Variants in PCDHGB5 observed in about 807,000 individuals in gnomAD.
The protein encoded by PCDHGB5 is protocadherin gamma subfamily B, 5, also known as protocadherin gamma-B5.
PCDHGB5 carries 48 observed loss-of-function variants against 62.9 expected under a neutral mutation model. The observed-to-expected ratio is 0.76, with a 90% CI of 0.61 to 0.97. The LOEUF is 0.97. Ranked by LOEUF, PCDHGB5 falls within the 50% of genes least tolerant of loss-of-function variation. The probability of loss-of-function intolerance (pLI) is 0.00; values close to 1 mark genes in which losing one functional copy is unlikely to be tolerated. For missense variants in PCDHGB5, 1,118 were observed against 1,198.6 expected, an observed-to-expected ratio of 0.93 and a Z score of 0.99; for synonymous variants, 474 against 511.2, an observed-to-expected ratio of 0.93 and a Z score of 0.98.
intron 3 of PCDHGB5, among the ~76,000 whole-genome samples, chr5:141,509,139 A>G (rs1042555376): frequency 2.6e-5 from 4 of 152,140 alleles, no homozygotes; most frequent in African/African-American, 9.7e-5. Flanking sequence ...ACCGAGGCGC[A>G]TCCCGGCTCT....
chr5:141,482,611 G>C (rs1016481108), intron 1 of PCDHGB5, among the ~76,000 whole-genome samples: 4 of 150,398 alleles, frequency 2.7e-5, no homozygotes, highest in Non-Finnish European at 5.9e-5. Context: ...ACACCTAAAT[G>C]AGCCTGGAGA....
In PCDHGB5 at chr5:141,399,769, G is replaced by A. The variant is rs369379702; in HGVS notation, c.1642G>A (p.Val548Met). 2.6e-5 allele frequency: 42 copies of A among 1,613,216 alleles called. No homozygotes were observed. Among genetic ancestry groups the A allele is most frequent in the Non-Finnish European group, 3.5e-5 (41 of 1,179,802 alleles). The change falls in exon 1 of 4, where the codon GTG (valine) becomes ATG (methionine). Residue 548 changes from valine to methionine, a missense_variant. Around this residue, in one of 2 missense-constraint regions of PCDHGB5, gnomAD observed 1,034 missense variants for 1,029.1 expected, o/e 1.00. Transcript: ENST00000617380. ...CGCAAACGTGAGCCTGCGCGTGTTGGTGGGCGACCGAAACGACAACGCACC... is the reference window on the plus strand; with the variant it reads ...CGCAAACGTGAGCCTGCGCGTGTTGATGGGCGACCGAAACGACAACGCACC... ...LSANVSLRVLVGDRNDNAPRV... is the reference protein window; with the variant it reads ...LSANVSLRVLMGDRNDNAPRV...
chr5:141,428,015 A>G, intron 1 of PCDHGB5: 5 of 1,604,042 alleles, frequency 3.1e-6, no homozygotes, highest in Non-Finnish European at 3.4e-6. Flanking sequence ...ATATAGTGCC[A>G]CGCGCCGCAG....
chr5:141,488,095 A>G (rs78361634), intron 1 of PCDHGB5, among the ~76,000 whole-genome samples: 8,142 of 152,146 alleles, frequency 0.054, 446 homozygotes, highest in African/African-American at 0.15. Flanking sequence ...CTGTGAAGGG[A>G]CCTCTCTATT....
chr5:141,503,136 A>G (rs1352550702), intron 2 of PCDHGB5, among the ~76,000 whole-genome samples: 5 of 151,846 alleles, frequency 3.3e-5, no homozygotes, highest in Admixed American at 2.0e-4. Context: ...GTAGCCCCTG[A>G]CACAGCCCAT....
At chr5:141,455,389 G>C (rs1190144149) in intron 1 of PCDHGB5, among the ~76,000 whole-genome samples, 1 of 152,114 alleles carries the variant, frequency 6.6e-6, no homozygotes, top group Non-Finnish European at 1.5e-5. Flanking sequence ...GAAGGAAGGA[G>C]CTCCCCCTTA....
rs552812176 is a variant in PCDHGB5, at chr5:141,497,407, A to G, written c.2456+2542A>G. Among the ~76,000 whole-genome samples, 43 of 152,204 alleles carry G rather than the reference A, an allele frequency of 2.8e-4. No individual in the cohort carries two copies. In the Middle Eastern group the frequency reaches 0.01, roughly 36 times the overall value. The stretch of plus-strand genomic sequence containing the variant: ...GCACCTTACCCCTGCCTCAACTCCC[A>G]TTCCATCAAATGAGAGGCTTAGTGG... On this transcript the variant is annotated intron_variant, in intron 2 of 3. Coordinates refer to ENST00000617380, the MANE Select transcript of PCDHGB5 (RefSeq NM_018925.3).
chr5:141,415,098 G>A, intron 1 of PCDHGB5: 5 of 1,613,586 alleles, frequency 3.1e-6, no homozygotes, highest in Non-Finnish European at 4.2e-6. Context: ...ACAGAGACGC[G>A]CTCAAGCAAA....
At chr5:141,420,311 T>C (rs762191274) in intron 1 of PCDHGB5, 102 of 1,454,698 alleles carry the variant, frequency 7.0e-5, no homozygotes, top group Non-Finnish European at 9.3e-5. Flanking sequence ...CTTTTTATAT[T>C]ACAATATGCC....
chr5:141,487,667 A>G lies in PCDHGB5; in HGVS notation c.2398-7140A>G, dbSNP rs2099657916. ...GCTTGAGGGTTATTCTGATCCAGGC[A>G]TATGGCTAGGCCATGTCCTAGAGAG... On this transcript the variant is annotated intron_variant, in intron 1 of 3. Transcript: ENST00000617380. This position sits in a 1 kb window ranked among gnomAD's most constrained non-coding sequence, Gnocchi z 5.0. 6.2e-7 allele frequency: 1 copy of G among 1,612,782 alleles called. No individual in the cohort carries two copies. The highest frequency in any genetic ancestry group is 1.1e-5 in the South Asian group (1 of 90,692).
In PCDHGB5 at chr5:141,485,872, G is replaced by A; in HGVS notation, c.2398-8935G>A. ...CCGCAGAGCTCCGGGTATCCGTGCT[G>A]GACGTAAACGACAACGCCCCAGCCT... On this transcript the variant is annotated intron_variant, in intron 1 of 3. Transcript: ENST00000617380. The surrounding 1 kb of genome is among the most constrained non-coding windows in gnomAD (Gnocchi z 5.7). 1 of 1,614,170 alleles carries A rather than the reference G, an allele frequency of 6.2e-7. No homozygotes were observed. The highest frequency in any genetic ancestry group is 2.2e-5 in the East Asian group (1 of 44,876).
At chr5:141,471,963 T>C (rs2024084) in intron 1 of PCDHGB5, among the ~76,000 whole-genome samples, 27,680 of 152,068 alleles carry the variant, frequency 0.18, 3,629 homozygotes, top group African/African-American at 0.37. Context: ...GTGGGGTTGG[T>C]TGCATTACTG....
At chr5:141,470,302 C>A (rs996558051) in intron 1 of PCDHGB5, among the ~76,000 whole-genome samples, 5 of 152,188 alleles carry the variant, frequency 3.3e-5, no homozygotes, top group African/African-American at 1.2e-4. Context: ...GTTTTTATTC[C>A]ATTTTTCCTC....
At chr5:141,419,757 G>C in intron 1 of PCDHGB5, 1 of 1,613,994 alleles carries the variant, frequency 6.2e-7, no homozygotes, top group Non-Finnish European at 8.5e-7. Flanking sequence ...CGTGCTTTGG[G>C]TGACAAGGAC....
intron 1 of PCDHGB5, among the ~76,000 whole-genome samples, chr5:141,474,672 T>C (rs1203448521): frequency 2.0e-5 from 3 of 152,228 alleles, no homozygotes; most frequent in Non-Finnish European, 4.4e-5. Flanking sequence ...ACCTAACCTA[T>C]GTGCCTACCC....
Position 141,431,449 on chromosome 5 carries a change from G to A in PCDHGB5, c.2397+30925G>A. Reference sequence around the variant, plus strand: ...GCACAGGCACCGCGCGCATCCGCGTGATGGTTCTGGATGCGAACGACAACG... The same window carrying A: ...GCACAGGCACCGCGCGCATCCGCGTAATGGTTCTGGATGCGAACGACAACG... On this transcript the variant is annotated intron_variant, in intron 1 of 3. Coordinates refer to ENST00000617380, the MANE Select transcript of PCDHGB5 (RefSeq NM_018925.3). The surrounding 1 kb of genome is among the most constrained non-coding windows in gnomAD (Gnocchi z 4.8). The A allele has an allele frequency of 6.2e-7, 1 of 1,613,742 alleles. No individual in the cohort carries two copies. Among genetic ancestry groups the A allele is most frequent in the South Asian group, 1.1e-5 (1 of 91,082 alleles).
chr5:141,421,109 T>C (rs2096547097), intron 1 of PCDHGB5: 2 of 715,670 alleles, frequency 2.8e-6, no homozygotes, highest in East Asian at 2.8e-5. Flanking sequence ...GACTTAGAAG[T>C]ATTTTCCTTC....
chr5:141,420,251 G>A lies in PCDHGB5; in HGVS notation c.2397+19727G>A, dbSNP rs778777293. ...TAGCATTTTAACTCCCAGCGTTGAA[G>A]CAGATAAGAAGATTCTTAAACAGGT... is the stretch of plus-strand genomic sequence containing the variant. On this transcript the variant is annotated intron_variant, in intron 1 of 3. Transcript: ENST00000617380. The A allele has an allele frequency of 2.9e-5, 46 of 1,578,746 alleles. No homozygotes were observed. In the South Asian group the frequency reaches 4.5e-4, roughly 15 times the overall value.
chr5:141,423,150 G>A, intron 1 of PCDHGB5: 1 of 1,613,538 alleles, frequency 6.2e-7, no homozygotes, highest in Non-Finnish European at 8.5e-7. Flanking sequence ...CGCTCAAGCA[G>A]AGCCTCGTGG....
Sources: gnomAD v4.1 joint callset for allele counts (sites outside exome capture counted in the v4.1 genomes callset) on GRCh38, gnomAD v4.1.1 for gene constraint, gnomAD v4.1.1 regional missense constraint, Gnocchi (gnomAD v3.1) non-coding constraint, MANE v1.5 for transcripts, NCBI Gene and HGNC (gene_info 2026-07-23, HGNC 2026-07-21) for gene names.